Variants in KIAA1958 observed in about 807,000 individuals in gnomAD.
The protein encoded by KIAA1958 is KIAA1958, also known as uncharacterized protein KIAA1958.
KIAA1958 carries 14 observed loss-of-function variants against 47.2 expected under a neutral mutation model. The ratio of observed to expected loss-of-function variants is 0.30; its 90% CI spans 0.20 to 0.46. The LOEUF (loss-of-function observed/expected upper bound fraction) is 0.46, where lower values mean the gene tolerates loss of function less well. KIAA1958 is among the 20% of genes least tolerant of loss of function. KIAA1958 has a pLI of 1.00. For synonymous variants in KIAA1958, 354 were observed against 353.3 expected, an observed-to-expected ratio of 1.00 and a Z score of -0.02; for missense variants, 803 against 909.2, an observed-to-expected ratio of 0.88 and a Z score of 1.50.
chr9:112,638,134 G>A (rs775111381), intron 2 of KIAA1958, among the ~76,000 whole-genome samples: 54 of 152,212 alleles, frequency 3.5e-4, no homozygotes, highest in African/African-American at 1.0e-3. Context: ...GGGCAACAGC[G>A]AGAGACTCCA....
At chr9:112,607,614 A>C (rs1317088412) in intron 2 of KIAA1958, among the ~76,000 whole-genome samples, 1 of 152,128 alleles carries the variant, frequency 6.6e-6, no homozygotes, top group African/African-American at 2.4e-5. Flanking sequence ...ATGGGGAGAT[A>C]CTTGAATTTA....
chr9:112,509,634 G>A (rs954990914), intron 1 of KIAA1958, among the ~76,000 whole-genome samples: 1 of 152,198 alleles, frequency 6.6e-6, no homozygotes. Flanking sequence ...TGTTGAAAAG[G>A]AAGCCATACA....
At chr9:112,570,521 A>G (rs1447220256) in intron 1 of KIAA1958, among the ~76,000 whole-genome samples, 3 of 152,220 alleles carry the variant, frequency 2.0e-5, no homozygotes, top group African/African-American at 7.2e-5. Context: ...CTGCTTGTGC[A>G]GCACCAATAA....
At chr9:112,534,640 T>C (rs1283132800) in intron 1 of KIAA1958, among the ~76,000 whole-genome samples, 1 of 151,574 alleles carries the variant, frequency 6.6e-6, no homozygotes, top group Admixed American at 6.6e-5. Flanking sequence ...GCCTCCCGGG[T>C]TCAAGCGATT....
chr9:112,638,198 G>A (rs898203800), intron 2 of KIAA1958, among the ~76,000 whole-genome samples: 10 of 151,982 alleles, frequency 6.6e-5, no homozygotes, highest in Non-Finnish European at 8.8e-5. Context: ...TGTTATGTGG[G>A]AAGTTGAAAA....
At chr9:112,568,293 G>A (rs574831825) in intron 1 of KIAA1958, among the ~76,000 whole-genome samples, 24 of 152,072 alleles carry the variant, frequency 1.6e-4, no homozygotes, top group Non-Finnish European at 3.1e-4. Flanking sequence ...CATCAAAACC[G>A]TGATGGGTCA....
intron 2 of KIAA1958, among the ~76,000 whole-genome samples, chr9:112,645,161 C>A (rs1836955569): frequency 6.6e-6 from 1 of 151,602 alleles, no homozygotes; most frequent in African/African-American, 2.4e-5. Context: ...ATGCTAACAC[C>A]ATTTAATTCA....
At chr9:112,506,810 A>T in intron 1 of KIAA1958, among the ~76,000 whole-genome samples, 1 of 151,630 alleles carries the variant, frequency 6.6e-6, no homozygotes, top group East Asian at 1.9e-4. Flanking sequence ...TTGCCGGATC[A>T]TGGGTTGTGA....
chr9:112,554,476 C>T (rs1049418446), intron 1 of KIAA1958, among the ~76,000 whole-genome samples: 4 of 147,096 alleles, frequency 2.7e-5, no homozygotes, highest in Middle Eastern at 3.5e-3. Context: ...CCAGCCTGGG[C>T]GACAGAATGA....
intron 1 of KIAA1958, among the ~76,000 whole-genome samples, chr9:112,505,273 T>A (rs1203339872): frequency 6.6e-6 from 1 of 152,218 alleles, no homozygotes; most frequent in Non-Finnish European, 1.5e-5. Flanking sequence ...AGACTAGACT[T>A]TGGACTCAGA....
intron 1 of KIAA1958, among the ~76,000 whole-genome samples, chr9:112,558,092 G>A (rs1032593161): frequency 1.3e-5 from 2 of 152,040 alleles, no homozygotes; most frequent in African/African-American, 2.4e-5. Context: ...GGGCATCGTG[G>A]TGCGCGCCTG....
chr9:112,596,548 A>C (rs1303564529), intron 2 of KIAA1958, among the ~76,000 whole-genome samples: 1 of 152,168 alleles, frequency 6.6e-6, no homozygotes, highest in Non-Finnish European at 1.5e-5. Flanking sequence ...ATAGGAAAAT[A>C]CCTAACTTTT....
intron 2 of KIAA1958, among the ~76,000 whole-genome samples, chr9:112,586,272 G>C (rs1835820640): frequency 6.6e-6 from 1 of 152,164 alleles, no homozygotes; most frequent in Non-Finnish European, 1.5e-5. Context: ...AAGTGTAGAG[G>C]CTAACCCATT....
intron 2 of KIAA1958, among the ~76,000 whole-genome samples, chr9:112,604,855 A>G (rs745599403): frequency 1.1e-4 from 17 of 150,270 alleles, no homozygotes; most frequent in Non-Finnish European, 1.6e-4. Context: ...CAAAGACGTG[A>G]AAAATAATTG....
intron 2 of KIAA1958, among the ~76,000 whole-genome samples, chr9:112,591,402 A>G (rs903417105): frequency 8.5e-5 from 13 of 152,088 alleles, no homozygotes; most frequent in South Asian, 2.1e-4. Flanking sequence ...TTTTATGGCT[A>G]TATACTTAAA....
intron 2 of KIAA1958, among the ~76,000 whole-genome samples, chr9:112,645,038 G>A (rs923134515): frequency 2.0e-5 from 3 of 151,844 alleles, no homozygotes; most frequent in African/African-American, 4.8e-5. Flanking sequence ...GGGAGGCTGA[G>A]GCAGGAGAAT....
chr9:112,627,266 C>T lies in KIAA1958; in HGVS notation c.1172-18384C>T, dbSNP rs188824482. The stretch of plus-strand genomic sequence containing the variant: ...AAGAATTCTGAACTTTTCTAATACT[C>T]TCTCCTCTAGAATTTTAAATATTTT... On this transcript the variant is annotated intron_variant, in intron 2 of 3. Coordinates refer to ENST00000337530, the MANE Select transcript of KIAA1958 (RefSeq NM_133465.4). Among the ~76,000 whole-genome samples the T allele has an allele frequency of 1.1e-3, 171 of 152,332 alleles. 1 individual carries two copies. The highest frequency in any genetic ancestry group is 0.011 in the Admixed American group (165 of 15,308).
intron 1 of KIAA1958, among the ~76,000 whole-genome samples, chr9:112,497,286 G>A (rs1463966978): frequency 1.3e-5 from 2 of 152,132 alleles, no homozygotes; most frequent in South Asian, 2.1e-4. Flanking sequence ...TTAAAAAGGT[G>A]ATTAAGTTAG....
At chr9:112,576,017 G>A (rs1336211084) in intron 2 of KIAA1958, among the ~76,000 whole-genome samples, 1 of 152,166 alleles carries the variant, frequency 6.6e-6, no homozygotes, top group Non-Finnish European at 1.5e-5. Flanking sequence ...GAATAGAAAC[G>A]TGGACAAGGA....
Sources: gnomAD v4.1 joint callset for allele counts (sites outside exome capture counted in the v4.1 genomes callset) on GRCh38, gnomAD v4.1.1 for gene constraint, MANE v1.5 for transcripts, NCBI Gene and HGNC (gene_info 2026-07-23, HGNC 2026-07-21) for gene names.